DLC1: variants seen among roughly 807,000 people sequenced by gnomAD.
DLC1 encodes the protein DLC1 Rho GTPase activating protein, also known as rho GTPase-activating protein 7.
DLC1 carries 54 observed loss-of-function variants against 140.3 expected under a neutral mutation model. That is an observed-to-expected ratio of 0.38 (90% CI 0.31 to 0.48). DLC1 has a LOEUF of 0.48. Ranked by LOEUF, DLC1 falls within the 20% of genes least tolerant of loss-of-function variation. The pLI is 0.96. For missense variants in DLC1, 2,536 were observed against 1,907.0 expected, an observed-to-expected ratio of 1.33 and a Z score of -6.14; for synonymous variants, 986 against 728.1, an observed-to-expected ratio of 1.35 and a Z score of -5.70.
chr8:13,417,285 T>G (rs1482042422), intron 2 of DLC1, among the ~76,000 whole-genome samples: 2 of 152,002 alleles, frequency 1.3e-5, no homozygotes, highest in African/African-American at 4.8e-5. Context: ...TGTATACATG[T>G]GCCATGCTGG....
chr8:13,314,428 G>A (rs1175366256), intron 4 of DLC1, among the ~76,000 whole-genome samples: 1 of 151,510 alleles, frequency 6.6e-6, no homozygotes, highest in Non-Finnish European at 1.5e-5. Flanking sequence ...ATAATATCTA[G>A]CTAAGAAACA....
At chr8:13,313,285 C>T (rs534096986) in intron 4 of DLC1, among the ~76,000 whole-genome samples, 2 of 152,274 alleles carry the variant, frequency 1.3e-5, no homozygotes, top group East Asian at 3.9e-4. Context: ...ACTACCTACA[C>T]AGTCTTTTGC....
intron 2 of DLC1, among the ~76,000 whole-genome samples, chr8:13,493,486 A>G (rs1801357965): frequency 6.6e-6 from 1 of 152,200 alleles, no homozygotes; most frequent in Non-Finnish European, 1.5e-5. Flanking sequence ...GATACATACA[A>G]TGTTTAGTGA....
intron 4 of DLC1, among the ~76,000 whole-genome samples, chr8:13,330,735 G>C (rs1169018061): frequency 2.6e-5 from 4 of 152,162 alleles, no homozygotes; most frequent in African/African-American, 7.2e-5. Flanking sequence ...TACTACATCT[G>C]TCTTTCCTCA....
intron 5 of DLC1, among the ~76,000 whole-genome samples, chr8:13,127,278 G>T (rs868841018): frequency 5.3e-5 from 8 of 152,108 alleles, no homozygotes; most frequent in Middle Eastern, 3.2e-3. Context: ...ATTTTGTTTA[G>T]ACATGTTGAC....
intron 14 of DLC1, 109 bp downstream of exon 14, chr8:13,091,209 C>G: frequency 2.2e-6 from 2 of 923,362 alleles, no homozygotes; most frequent in South Asian, 1.6e-5. Context: ...TATACCGTCT[C>G]CAGCTGTGGA....
intron 2 of DLC1, among the ~76,000 whole-genome samples, chr8:13,440,117 T>G (rs940543385): frequency 2.6e-5 from 4 of 152,192 alleles, no homozygotes. Flanking sequence ...TTCAGGACAT[T>G]CATACTTTCT....
chr8:13,596,392 C>G (rs912300339), intron 1 of DLC1, among the ~76,000 whole-genome samples: 1 of 151,960 alleles, frequency 6.6e-6, no homozygotes, highest in Non-Finnish European at 1.5e-5. Context: ...AGACTTCAGC[C>G]TCAAGTGTTT....
intron 1 of DLC1, among the ~76,000 whole-genome samples, chr8:13,581,573 A>T (rs1275987664): frequency 6.6e-6 from 1 of 152,198 alleles, no homozygotes; most frequent in Non-Finnish European, 1.5e-5. Flanking sequence ...AAAGGTCTTT[A>T]TATCCACTGT....
chr8:13,169,985 A>G (rs1409433359), intron 5 of DLC1, among the ~76,000 whole-genome samples: 1 of 152,046 alleles, frequency 6.6e-6, no homozygotes, highest in East Asian at 1.9e-4. Flanking sequence ...ACCCTGTGGC[A>G]CTCCAGCCTG....
chr8:13,594,686 G>T (rs370299780), intron 1 of DLC1, among the ~76,000 whole-genome samples: 1 of 151,752 alleles, frequency 6.6e-6, no homozygotes, highest in African/African-American at 2.4e-5. Context: ...TAAAGTGAAA[G>T]CACATTTATT....
At chr8:13,375,824 T>A (rs560213038) in intron 4 of DLC1, among the ~76,000 whole-genome samples, 5 of 152,202 alleles carry the variant, frequency 3.3e-5, no homozygotes, top group Non-Finnish European at 7.3e-5. Flanking sequence ...AAACTACAGA[T>A]GCCACTTTAT....
chr8:13,397,314 G>T (rs1003492194), intron 3 of DLC1, among the ~76,000 whole-genome samples: 1 of 152,130 alleles, frequency 6.6e-6, no homozygotes, highest in African/African-American at 2.4e-5. Flanking sequence ...GATTTCAGGG[G>T]CAGATATAGG....
At chr8:13,141,149 G>A (rs2128970526) in intron 5 of DLC1, among the ~76,000 whole-genome samples, 1 of 151,500 alleles carries the variant, frequency 6.6e-6, no homozygotes, top group Admixed American at 6.6e-5. Flanking sequence ...CAGCTACTCG[G>A]GAAGCTGAGG....
At chr8:13,447,678 G>T (rs1195679938) in intron 2 of DLC1, among the ~76,000 whole-genome samples, 1 of 152,116 alleles carries the variant, frequency 6.6e-6, no homozygotes, top group Non-Finnish European at 1.5e-5. Context: ...TACAAAGAGG[G>T]TAGGTGAAGA....
In DLC1 at chr8:13,546,988, A is replaced by G. The variant is rs545768911; in HGVS notation, c.-125-46792T>C. 2.8e-3 allele frequency among the ~76,000 whole-genome samples: 421 copies of G among 152,248 alleles called. 2 individuals are homozygous for G. The highest frequency in any genetic ancestry group is 4.4e-3 in the Non-Finnish European group (296 of 67,988). Reference sequence around the variant, plus strand: ...ATATAAAAAACATAGACTTAGTTTAATTACAATCATATGTTAAATGTCTAT... The same window carrying G: ...ATATAAAAAACATAGACTTAGTTTAGTTACAATCATATGTTAAATGTCTAT... On this transcript the variant is annotated intron_variant, in intron 1 of 1. Coordinates refer to the DLC1 transcript ENST00000631382.
At chr8:13,113,613 AGG>A (rs1189169545) in intron 6 of DLC1, among the ~76,000 whole-genome samples, 1 of 152,258 alleles carries the variant, frequency 6.6e-6, no homozygotes, top group Non-Finnish European at 1.5e-5. Context: ...GGAGAACAAA[AGG>A]ACAGCCACTT....
At chr8:13,104,350 CA>C (rs71304974) in intron 7 of DLC1, among the ~76,000 whole-genome samples, 3,209 of 119,392 alleles carry the variant, frequency 0.027, 69 homozygotes, top group African/African-American at 0.083. Context: ...AAAATACTTA[CA>C]AAAAAAAAAA....
intron 1 of DLC1, among the ~76,000 whole-genome samples, chr8:13,554,594 A>T (rs1312943432): frequency 6.6e-6 from 1 of 152,054 alleles, no homozygotes; most frequent in Non-Finnish European, 1.5e-5. Flanking sequence ...CTCATCCTTA[A>T]CTTTTCTTTT....
Sources: gnomAD v4.1 joint callset for allele counts (sites outside exome capture counted in the v4.1 genomes callset) on GRCh38, gnomAD v4.1.1 for gene constraint, MANE v1.5 for transcripts, NCBI Gene and HGNC (gene_info 2026-07-23, HGNC 2026-07-21) for gene names.